ANKFN1: variants seen among roughly 807,000 people sequenced by gnomAD.
ANKFN1 encodes ankyrin repeat and fibronectin type III domain containing 1, also known as ankyrin repeat and fibronectin type-III domain-containing protein 1.
In ANKFN1, 74 loss-of-function variants were observed where a neutral mutation model predicts 108.7. The ratio of observed to expected loss-of-function variants is 0.68; its 90% confidence interval spans 0.56 to 0.83. ANKFN1 has a LOEUF of 0.83. Among genes scored for constraint, ANKFN1 ranks in the 40% least tolerant of loss-of-function variants. The probability of loss-of-function intolerance (pLI) is 0.00; values close to 1 mark genes in which losing one functional copy is unlikely to be tolerated. For synonymous variants in ANKFN1, 547 were observed against 516.2 expected (o/e 1.06, Z -0.81); for missense variants, 1,505 against 1,382.3 (o/e 1.09, Z -1.41).
At chr17:56,466,210 T>A (rs2050067326) in intron 14 of ANKFN1, 146 bp from the exon 15 acceptor site, 2 of 676,300 alleles carry the variant, frequency 3.0e-6, no homozygotes, top group Non-Finnish European at 5.0e-6. Context: ...TATGATGCCA[T>A]ATATTCTAGG....
intron 11 of ANKFN1, among the ~76,000 whole-genome samples, chr17:56,449,472 C>T (rs1348900218): frequency 6.6e-6 from 1 of 152,098 alleles, no homozygotes; most frequent in African/African-American, 2.4e-5. Flanking sequence ...GGAATTGTCC[C>T]TTCACAAGAG....
chr17:56,409,353 G>A (rs540650430), intron 8 of ANKFN1, among the ~76,000 whole-genome samples: 2 of 152,308 alleles, frequency 1.3e-5, no homozygotes, highest in African/African-American at 4.8e-5. Flanking sequence ...AGATAGAGCA[G>A]ATGTACTTTC....
At chr17:56,054,654 G>A (rs1022609615) in intron 4 of ANKFN1, among the ~76,000 whole-genome samples, 2 of 152,218 alleles carry the variant, frequency 1.3e-5, no homozygotes, top group Non-Finnish European at 1.5e-5. Flanking sequence ...GCTCACACCT[G>A]TAATCCTAGC....
chr17:56,156,076 CTTT>C (rs529958919), intron 1 of ANKFN1, among the ~76,000 whole-genome samples: 2 of 136,502 alleles, frequency 1.5e-5, no homozygotes, highest in Non-Finnish European at 3.2e-5. Flanking sequence ...CTCTCTCACT[CTTT>C]TTTTTTTTTT....
At chr17:56,483,562 T>TAGAGGAGGG (rs2050775422) in intron 18 of ANKFN1, among the ~76,000 whole-genome samples, 1 of 152,204 alleles carries the variant, frequency 6.6e-6, no homozygotes, top group Non-Finnish European at 1.5e-5. Flanking sequence ...TGTTACTTTC[T>TAGAGGAGGG]AGAGGAGGGA....
chr17:56,118,544 T>C (rs1181678154), intron 4 of ANKFN1, among the ~76,000 whole-genome samples: 2 of 152,150 alleles, frequency 1.3e-5, no homozygotes, highest in African/African-American at 4.8e-5. Flanking sequence ...ACTGCTGCTA[T>C]TGATGATGAT....
chr17:56,314,334 T>C (rs1030040879), intron 3 of ANKFN1, among the ~76,000 whole-genome samples: 1 of 152,184 alleles, frequency 6.6e-6, no homozygotes, highest in African/African-American at 2.4e-5. Flanking sequence ...TTTAACTTTG[T>C]AAAAGACTGT....
chr17:56,223,445 A>T (rs1392288942), intron 2 of ANKFN1, among the ~76,000 whole-genome samples: 1 of 152,226 alleles, frequency 6.6e-6, no homozygotes, highest in Non-Finnish European at 1.5e-5. Flanking sequence ...ACAAGGAGTC[A>T]TTTATAAATA....
intron 1 of ANKFN1, among the ~76,000 whole-genome samples, chr17:56,166,580 C>G (rs1037413258): frequency 6.6e-6 from 1 of 152,110 alleles, no homozygotes. Context: ...CATACTGCAG[C>G]CAACCGCATT....
chr17:56,477,684 G>C (rs758170160), intron 16 of ANKFN1, 30 bp downstream of exon 16: 7 of 1,605,096 alleles, frequency 4.4e-6, no homozygotes, highest in South Asian at 1.1e-5. Context: ...GATTTTCCTT[G>C]TGATGAAACA....
At chr17:56,405,326 C>T (rs2047890049) in intron 8 of ANKFN1, among the ~76,000 whole-genome samples, 1 of 152,154 alleles carries the variant, frequency 6.6e-6, no homozygotes, top group South Asian at 2.1e-4. Flanking sequence ...CAACCTAAAA[C>T]TAACTTGAGG....
chr17:56,355,141 T>C (rs8073797), intron 6 of ANKFN1, among the ~76,000 whole-genome samples: 1 of 152,026 alleles, frequency 6.6e-6, no homozygotes, highest in Non-Finnish European at 1.5e-5. Flanking sequence ...TGCATGAGGT[T>C]ATGGATACAC....
At chr17:56,481,734 C>CAATAGACTAAATTG (rs1316233789) in intron 17 of ANKFN1, among the ~76,000 whole-genome samples, 2 of 152,080 alleles carry the variant, frequency 1.3e-5, no homozygotes, top group Non-Finnish European at 1.5e-5. Flanking sequence ...GCACAAGATG[C>CAATAGACTAAATTG]CATAAAGACA....
At chr17:56,149,475 C>T, upstream of ANKFN1, among the ~76,000 whole-genome samples, 1 of 152,284 alleles carries the variant, frequency 6.6e-6, no homozygotes, top group South Asian at 2.1e-4. Flanking sequence ...AGTATCATCA[C>T]TGTGAGAAAG....
chr17:56,135,907 T>C (rs1024337426), intron 4 of ANKFN1, among the ~76,000 whole-genome samples: 3 of 152,038 alleles, frequency 2.0e-5, no homozygotes, highest in African/African-American at 4.8e-5. Context: ...AAATTATGAA[T>C]AGAAATAGAT....
chr17:56,314,266 T>C (rs1261264196), intron 3 of ANKFN1, among the ~76,000 whole-genome samples: 1 of 152,214 alleles, frequency 6.6e-6, no homozygotes, highest in Non-Finnish European at 1.5e-5. Flanking sequence ...AGCATTTATT[T>C]CTCTTTCTTG....
At chr17:56,503,850 C>A (rs1252364556) in intron 20 of ANKFN1, among the ~76,000 whole-genome samples, 1 of 152,126 alleles carries the variant, frequency 6.6e-6, no homozygotes, top group Non-Finnish European at 1.5e-5. Flanking sequence ...AGGGGAAATT[C>A]AAGGTTTTAC....
intron 3 of ANKFN1, among the ~76,000 whole-genome samples, chr17:56,235,547 G>A (rs567990938): frequency 6.6e-6 from 1 of 152,188 alleles, no homozygotes; most frequent in African/African-American, 2.4e-5. Flanking sequence ...GTAAGGAAAG[G>A]GTCCCGTTTC....
At chr17:56,404,960 T>C (rs1175909797) in intron 8 of ANKFN1, among the ~76,000 whole-genome samples, 3 of 152,218 alleles carry the variant, frequency 2.0e-5, no homozygotes, top group African/African-American at 7.2e-5. Context: ...AGAGTCTACC[T>C]AGCTCCAGTC....
Sources: gnomAD v4.1 joint callset for allele counts (sites outside exome capture counted in the v4.1 genomes callset) on GRCh38, gnomAD v4.1.1 for gene constraint, MANE v1.5 for transcripts, NCBI Gene and HGNC (gene_info 2026-07-23, HGNC 2026-07-21) for gene names.